The following ATXN7L3 variants were observed in gnomAD, a reference collection of about 807,000 sequenced individuals.
The protein encoded by ATXN7L3 is ataxin-7-like protein 3.
ATXN7L3 carries 6 observed loss-of-function variants against 50.0 expected under a neutral mutation model. That is an observed-to-expected ratio of 0.12 (90% CI 0.07 to 0.24). The LOEUF is 0.24. ATXN7L3 is among the 10% of genes least tolerant of loss of function. The probability of loss-of-function intolerance (pLI) is 1.00; values close to 1 mark genes in which losing one functional copy is unlikely to be tolerated. For missense variants in ATXN7L3, 322 were observed against 451.3 expected, an observed-to-expected ratio of 0.71 and a Z score of 2.60; for synonymous variants, 198 against 165.8, an observed-to-expected ratio of 1.19 and a Z score of -1.49.
At position 44,197,709 on chromosome 17, in the gene ATXN7L3, C is replaced by T. The variant is rs1156490894; in HGVS notation, c.73G>A (p.Ala25Thr). ...AAACAAGAATCCTCGACCAGGTCCG[C>T]GTATATCTCCTGAGCGATGGCCTGG... The part of the protein sequence containing the change: ...KLEAIAQEIY[A>T]DLVEDSCLGF... Residue 25 changes from alanine (A) to threonine (T), a missense_variant, in exon 3 of 13, where the codon GCG becomes ACG. Ala to Thr is a moderately conservative substitution (Grantham distance 58). Coordinates refer to ENST00000587097, the MANE Select transcript of ATXN7L3 (RefSeq NM_001382309.1). The T allele has an allele frequency of 6.8e-6, 11 of 1,614,122 alleles. No individual in the cohort carries two copies. The East Asian group carries it at 1.1e-4, about 16-fold the overall frequency.
chr17:44,196,499 G>C, intron 5 of ATXN7L3, 81 bp from the exon 6 acceptor site: 1 of 1,581,738 alleles, frequency 6.3e-7, no homozygotes, highest in Non-Finnish European at 8.7e-7. Flanking sequence ...CATACAACAG[G>C]CTGGGCACGG....
intron 12 of ATXN7L3, 21 bp from the exon 13 acceptor site, chr17:44,194,432 G>T (rs574181083): frequency 6.2e-7 from 1 of 1,613,924 alleles, no homozygotes; most frequent in Non-Finnish European, 8.5e-7. Context: ...AGAGACACAA[G>T]GGATGAGAGT....
At position 44,194,714 on chromosome 17, in the gene ATXN7L3, T is replaced by C. The variant is rs781692433; in HGVS notation, c.738-40A>G. On this transcript the variant is annotated intron_variant, in intron 11 of 12. Transcript: ENST00000587097. ...AGCCAAAGAAGGGCTTTAGAGATAG[T>C]GATCATCGCCCTAACTGGTCACAAC... is the stretch of plus-strand genomic sequence containing the variant. The C allele has an allele frequency of 3.7e-6, 6 of 1,613,394 alleles. No individual in the cohort carries two copies. In the African/African-American group the frequency reaches 6.7e-5, roughly 18 times the overall value.
chr17:44,198,165 C>A, intron 1 of ATXN7L3, 35 bp from the exon 2 acceptor site: 1 of 1,255,516 alleles, frequency 8.0e-7, no homozygotes, highest in Non-Finnish European at 1.1e-6. Context: ...TGTTGTGAGT[C>A]CAAGGCACCT....
chr17:44,194,897 C>T (rs1423313527), intron 10 of ATXN7L3, 58 bp from the exon 11 acceptor site: 18 of 1,588,634 alleles, frequency 1.1e-5, no homozygotes, highest in East Asian at 4.5e-5. Context: ...CCCCTCCCCT[C>T]GGCAAGGCAG....
In ATXN7L3 at chr17:44,196,422, T is replaced by C. The variant is rs749464303; in HGVS notation, c.455-4A>G. 45 of 1,613,914 alleles carry C rather than the reference T, an allele frequency of 2.8e-5. No individual in the cohort carries two copies. Among genetic ancestry groups the C allele is most frequent in the Non-Finnish European group, 3.6e-5 (42 of 1,179,998 alleles). On this transcript the variant is annotated splice_region_variant and splice_polypyrimidine_tract_variant and intron_variant, in intron 5 of 12. Transcript: ENST00000587097. ...TTGTCTGACTTTCTCTTCTTGGCTG[T>C]GGGAAACAAAAGCATAAAGAGCAGG...
At position 44,197,410 on chromosome 17, in the gene ATXN7L3, G is replaced by T; in HGVS notation, c.185-11C>A. 1 of 1,587,250 alleles carries T rather than the reference G, an allele frequency of 6.3e-7. No homozygotes were observed. Among genetic ancestry groups the T allele is most frequent in the Non-Finnish European group, 8.6e-7 (1 of 1,162,942 alleles). ...GCTGGTCCACGATCTCTGGGGACAG[G>T]AGAGGCTGGCGATCAGGGTGGGCAG... On this transcript the variant is annotated splice_polypyrimidine_tract_variant and intron_variant, in intron 3 of 12. Coordinates refer to ENST00000587097, the MANE Select transcript of ATXN7L3 (RefSeq NM_001382309.1).
rs967909265 is a variant in ATXN7L3 at position 44,195,312 on chromosome 17, C to T, written c.621+107G>A. 22 of 1,382,860 alleles carry T rather than the reference C, an allele frequency of 1.6e-5. No individual in the cohort carries two copies. In the Admixed American group the frequency reaches 2.4e-4, roughly 15 times the overall value. 85.7% of individuals were successfully genotyped at this position (1,382,860 alleles called of 1,614,324 possible). ...GAAACCTAATTCCAGACAGAGAGAACGATACGGCCCTGACTGCTAGGTCAC... is the reference window on the plus strand; with the variant it reads ...GAAACCTAATTCCAGACAGAGAGAATGATACGGCCCTGACTGCTAGGTCAC... On this transcript the variant is annotated intron_variant, in intron 9 of 12. Transcript: ENST00000587097.
chr17:44,195,975 CG>C, intron 7 of ATXN7L3, 58 bp downstream of exon 7: 1 of 1,577,472 alleles, frequency 6.3e-7, no homozygotes, highest in East Asian at 2.2e-5. Flanking sequence ...CTCCACCCCC[CG>C]GCAATGAGTC....
chr17:44,196,907 G>A (rs747999788), intron 5 of ATXN7L3, 22 bp downstream of exon 5: 2 of 1,585,312 alleles, frequency 1.3e-6, no homozygotes, highest in Admixed American at 3.3e-5. Flanking sequence ...TGCCCCCCGG[G>A]TTTCCCCAGA....
rs1392535543 is a variant in ATXN7L3, at chr17:44,194,551, G to A, written c.861C>T (p.Ser287=). Residue 287 remains serine, a synonymous_variant, in exon 12 of 13, where the codon TCC becomes TCT. Transcript: ENST00000587097. ...ATCCCTGATTTTCACTCGTCTTGGA[G>A]GAGCCTGAATCAGAGGGTGAGAGGT... ...SSDLSPSDSG[S]SKTSENQGWG... 1 of 1,613,676 alleles carries A rather than the reference G, an allele frequency of 6.2e-7. No homozygotes were observed. The highest frequency in any genetic ancestry group is 8.5e-7 in the Non-Finnish European group (1 of 1,179,982).
intron 6 of ATXN7L3, 126 bp from the exon 7 acceptor site, chr17:44,196,205 G>T: frequency 7.8e-7 from 1 of 1,277,540 alleles, no homozygotes; most frequent in Non-Finnish European, 1.1e-6. Context: ...CCCAGTAGGA[G>T]GCCTGTCTAC....
Position 44,196,199 on chromosome 17 carries a change from G to A in ATXN7L3, c.478-120C>T, listed in dbSNP as rs545803194. On this transcript the variant is annotated intron_variant, in intron 6 of 12. Coordinates refer to ENST00000587097, the MANE Select transcript of ATXN7L3 (RefSeq NM_001382309.1). The stretch of plus-strand genomic sequence containing the variant: ...CTCAAATTCCTACTCTTCCTCCCCA[G>A]TAGGAGGCCTGTCTACCCATGTGCC... 2.6e-4 allele frequency: 338 copies of A among 1,309,332 alleles called. 4 individuals carry two copies. The East Asian group carries it at 7.0e-3, about 27-fold the overall frequency. 81.1% of individuals were successfully genotyped at this position (1,309,332 alleles called of 1,614,324 possible). A position where few individuals can be genotyped will look rare whatever the true frequency, so the allele number is the denominator to read the frequency against.
chr17:44,194,439 G>A (rs756853243), intron 12 of ATXN7L3, 28 bp from the exon 13 acceptor site: 13 of 1,613,774 alleles, frequency 8.1e-6, no homozygotes, highest in Non-Finnish European at 8.5e-6. Flanking sequence ...CAAGGGATGA[G>A]AGTATGGTTA....
chr17:44,195,987 C>G (rs752692424), intron 7 of ATXN7L3, 47 bp downstream of exon 7: 2 of 1,588,356 alleles, frequency 1.3e-6, no homozygotes, highest in Non-Finnish European at 1.7e-6. Flanking sequence ...GCAATGAGTC[C>G]CAGAAGACAC....
chr17:44,195,309 G>A, intron 9 of ATXN7L3, 110 bp downstream of exon 9: 2 of 1,378,006 alleles, frequency 1.5e-6, no homozygotes, highest in Non-Finnish European at 2.1e-6. Flanking sequence ...CAGACAGAGA[G>A]AACGATACGG....
intron 6 of ATXN7L3, 118 bp from the exon 7 acceptor site, chr17:44,196,197 C>A: frequency 7.6e-7 from 1 of 1,309,046 alleles, no homozygotes; most frequent in Non-Finnish European, 1.1e-6. Context: ...TCTTCCTCCC[C>A]AGTAGGAGGC....
At position 44,194,770 on chromosome 17, in the gene ATXN7L3, C is replaced by T. The variant is rs181092765; in HGVS notation, c.735G>A (p.Ser245=). ...ACCCTTCCTGTAGGGCCACTTACGC[C>T]GAGGGCCCGAGAAAATAAATCCGTA... The part of the protein sequence containing the change: ...RTVRIYFLGP[S]AVLPEVESSL... The change falls in exon 11 of 13, where the codon TCG becomes TCA. Residue 245 remains serine (S), a splice_region_variant and synonymous_variant. Transcript: ENST00000587097. 1.2e-5 allele frequency: 20 copies of T among 1,614,102 alleles called. No individual in the cohort carries two copies. The highest frequency in any genetic ancestry group is 6.7e-5 in the Admixed American group (4 of 60,012).
chr17:44,196,777 C>CA (rs34885873), intron 5 of ATXN7L3, 152 bp downstream of exon 5: 32,051 of 231,640 alleles, frequency 0.14, 615 homozygotes, highest in African/African-American at 0.23. Context: ...GAATCCATCT[C>CA]AAAAAAAAAA....
Sources: allele counts gnomAD v4.1 joint callset, GRCh38; gene constraint gnomAD v4.1.1; transcripts MANE v1.5; gene names NCBI Gene and HGNC (gene_info 2026-07-23, HGNC 2026-07-21).